Variants in HES2 observed in about 807,000 individuals in gnomAD.
The protein encoded by HES2 is transcription factor HES-2.
HES2 carries 11 observed loss-of-function variants against 11.9 expected under a neutral mutation model. That is an observed-to-expected ratio of 0.92 (90% CI 0.58 to 1.53). HES2 has a LOEUF of 1.53. HES2 is among the 40% of genes most tolerant of loss of function. HES2 has a pLI of 0.00. For synonymous variants in HES2, 125 were observed against 122.8 expected (o/e 1.02, Z -0.12); for missense variants, 260 against 253.8 (o/e 1.02, Z -0.16).
rs1642877378 is a variant in HES2, at chr1:6,418,807, A to T, written c.*66T>A. On this transcript the variant is annotated 3_prime_UTR_variant, in exon 4 of 4. Transcript: ENST00000377834. ...GATGGGAACAGCAGCCGCCACCAAG[A>T]GCTTCAACCTGTCCAGTGCCCCAAG... The T allele has an allele frequency of 4.7e-6, 6 of 1,263,988 alleles. No homozygotes were observed. The highest frequency in any genetic ancestry group is 5.9e-6 in the Non-Finnish European group (6 of 1,008,420). 78.3% of individuals were successfully genotyped at this position (1,263,988 alleles called of 1,614,324 possible).
At position 6,418,784 on chromosome 1, in the gene HES2, T is replaced by G. The variant is rs1571372412; in HGVS notation, c.*89A>C. ...TGGGTACTGGGCTGGCCCCTAATGA[T>G]GGGAACAGCAGCCGCCACCAAGAGC... is the stretch of plus-strand genomic sequence containing the variant. On this transcript the variant is annotated 3_prime_UTR_variant, in exon 4 of 4. Transcript: ENST00000377834. 1 of 1,216,266 alleles carries G rather than the reference T, an allele frequency of 8.2e-7. No individual in the cohort carries two copies. Among genetic ancestry groups the G allele is most frequent in the Non-Finnish European group, 1.0e-6 (1 of 968,512 alleles). The allele number at this position is 1,216,266 out of a possible 1,614,324, so 75.3% of individuals were successfully genotyped here.
chr1:6,419,100 G>A lies in HES2; in HGVS notation c.295C>T (p.Arg99Cys), dbSNP rs1330707229. The A allele has an allele frequency of 1.4e-5, 21 of 1,503,066 alleles. No homozygotes were observed. Among genetic ancestry groups the A allele is most frequent in the Non-Finnish European group, 1.8e-5 (20 of 1,134,340 alleles). 93.1% of individuals were successfully genotyped at this position (1,503,066 alleles called of 1,614,324 possible). A position where few individuals can be genotyped will look rare whatever the true frequency, so the allele number is the denominator to read the frequency against. Reference protein sequence around the residue: ...GYSACVARLARVLPACRVLEP... With the variant: ...GYSACVARLACVLPACRVLEP... Reference sequence around the variant, plus strand: ...AGGACACGGCAGGCGGGCAGCACGCGGGCCAGGCGCGCCACACAGGCGCTG... The same window carrying A: ...AGGACACGGCAGGCGGGCAGCACGCAGGCCAGGCGCGCCACACAGGCGCTG... Residue 99 changes from arginine (R) to cysteine (C), a missense_variant, in exon 4 of 4, where the codon CGC becomes TGC. Arg to Cys is a radical substitution (Grantham distance 180). Coordinates refer to ENST00000377834, the MANE Select transcript of HES2 (RefSeq NM_019089.5). The surrounding 1 kb of genome is among the most constrained non-coding windows in gnomAD (Gnocchi z 8.1).
rs1642893773 is a variant in HES2, at chr1:6,419,914, A to T, written c.-94T>A. ...CGGGCGCGGCCCGGGCTGGTGCCAG[A>T]CGAGTGCGCGCCCCGCCCGCGGCCG... On this transcript the variant is annotated 5_prime_UTR_variant, in exon 1 of 4. Coordinates refer to ENST00000377834, the MANE Select transcript of HES2 (RefSeq NM_019089.5). The surrounding 1 kb of genome is among the most constrained non-coding windows in gnomAD (Gnocchi z 8.1). 1 of 1,384,168 alleles carries T rather than the reference A, an allele frequency of 7.2e-7. No homozygotes were observed. 85.7% of individuals were successfully genotyped at this position (1,384,168 alleles called of 1,614,324 possible).
At position 6,419,491 on chromosome 1, in the gene HES2, C is replaced by A. The variant is rs951522056; in HGVS notation, c.141+116G>T. ...CTCCGACGCGCCCACCCCACCCAGG[C>A]TCCGCCTCGGGCGCCGCGCGGAACC... On this transcript the variant is annotated intron_variant, in intron 2 of 3. Transcript: ENST00000377834. This position sits in a 1 kb window ranked among gnomAD's most constrained non-coding sequence, Gnocchi z 8.1. The A allele has an allele frequency of 5.6e-5, 67 of 1,191,280 alleles. No homozygotes were observed. The highest frequency in any genetic ancestry group is 7.4e-5 in the Non-Finnish European group (65 of 874,378). The allele number at this position is 1,191,280 out of a possible 1,614,324, so 73.8% of individuals were successfully genotyped here. A position where few individuals can be genotyped will look rare whatever the true frequency, so the allele number is the denominator to read the frequency against.
Position 6,416,877 on chromosome 1 carries a change from GAA to G in HES2, c.*1994_*1995del, listed in dbSNP as rs1270039237. On this transcript the variant is annotated 3_prime_UTR_variant, in exon 4 of 4. Transcript: ENST00000377834. ...CAGGCGCTCATTCTCAGCAATGGGT[GAA>G]AGTAAGAGGAACCTGCCCTCCCTCC... The G allele has an allele frequency of 3.3e-5, 5 of 152,412 alleles. No individual in the cohort carries two copies. Among genetic ancestry groups the G allele is most frequent in the East Asian group, 1.9e-4 (1 of 5,174 alleles). The allele number at this position is 152,412 out of a possible 1,614,324, so 9.4% of individuals were successfully genotyped here. A position where few individuals can be genotyped will look rare whatever the true frequency, so the allele number is the denominator to read the frequency against.
rs1642875778 is a variant in HES2, at chr1:6,418,653, T to G, written c.*220A>C. The G allele has an allele frequency of 7.4e-6, 3 of 404,780 alleles. No homozygotes were observed. The highest frequency in any genetic ancestry group is 1.3e-5 in the Non-Finnish European group (3 of 234,072). The allele number at this position is 404,780 out of a possible 1,614,324, so 25.1% of individuals were successfully genotyped here. A position where few individuals can be genotyped will look rare whatever the true frequency, so the allele number is the denominator to read the frequency against. On this transcript the variant is annotated 3_prime_UTR_variant, in exon 4 of 4. Coordinates refer to ENST00000377834, the MANE Select transcript of HES2 (RefSeq NM_019089.5). ...TCTTGTCCTTTCTTCTCCAGCCAAG[T>G]TGGGGGTGAAGCAGGGACGCTCCTT...
rs1386127774 is a variant in HES2, at chr1:6,416,934, T to C, written c.*1939A>G. The C allele has an allele frequency of 6.6e-6, 1 of 152,314 alleles. No homozygotes were observed. The highest frequency in any genetic ancestry group is 6.5e-5 in the Admixed American group (1 of 15,276). The allele number at this position is 152,314 out of a possible 1,614,324, so 9.4% of individuals were successfully genotyped here. A position where few individuals can be genotyped will look rare whatever the true frequency, so the allele number is the denominator to read the frequency against. ...CACACCTCCCCAGTATTTGTCCTCA[T>C]GGAGTAAATATCCAACAGTGATCCC... On this transcript the variant is annotated 3_prime_UTR_variant, in exon 4 of 4. Coordinates refer to ENST00000377834, the MANE Select transcript of HES2 (RefSeq NM_019089.5).
In HES2 at chr1:6,415,474, GC is replaced by G. The variant is rs1464797104; in HGVS notation, c.*3398del. 6.6e-6 allele frequency: 1 copy of G among 151,810 alleles called. No homozygotes were observed. Among genetic ancestry groups the G allele is most frequent in the African/African-American group, 2.4e-5 (1 of 41,314 alleles). The allele number at this position is 151,810 out of a possible 1,614,324, so 9.4% of individuals were successfully genotyped here. On this transcript the variant is annotated 3_prime_UTR_variant, in exon 4 of 4. Transcript: ENST00000377834. ...ACGTTCCCTGCAGGCTGTTTATGCAGCGCCCATCCGAGATGAACCCACAGGA... is the reference window on the plus strand; with the variant it reads ...ACGTTCCCTGCAGGCTGTTTATGCAGGCCCATCCGAGATGAACCCACAGGA...
In HES2 at chr1:6,419,051, A is replaced by G. The variant is rs748142019; in HGVS notation, c.344T>C (p.Leu115Pro). The change falls in exon 4 of 4, where the codon CTG becomes CCG. Residue 115 changes from leucine (L) to proline (P), a missense_variant. Leu to Pro is a moderately conservative substitution (Grantham distance 98). Coordinates refer to ENST00000377834, the MANE Select transcript of HES2 (RefSeq NM_019089.5). This position sits in a 1 kb window ranked among gnomAD's most constrained non-coding sequence, Gnocchi z 8.1. ...RVLEPAVSARLLEHLWRRAAS... is the reference protein window; with the variant it reads ...RVLEPAVSARPLEHLWRRAAS... ...CGCTCTCCGCCACAGGTGCTCCAGC[A>G]GGCGCGCGCTCACGGCGGGCTCCAG... 3 of 1,469,308 alleles carry G rather than the reference A, an allele frequency of 2.0e-6. No individual in the cohort carries two copies. Among genetic ancestry groups the G allele is most frequent in the Non-Finnish European group, 2.7e-6 (3 of 1,120,058 alleles). The allele number at this position is 1,469,308 out of a possible 1,614,324, so 91.0% of individuals were successfully genotyped here.
At position 6,419,181 on chromosome 1, in the gene HES2, G is replaced by A. The variant is rs537721392; in HGVS notation, c.242-28C>T. On this transcript the variant is annotated intron_variant, in intron 3 of 3. Coordinates refer to ENST00000377834, the MANE Select transcript of HES2 (RefSeq NM_019089.5). The surrounding 1 kb of genome is among the most constrained non-coding windows in gnomAD (Gnocchi z 8.1). ...GCGGGCGGAGAGCCGCGTGAGGCGC[G>A]GGGTAGGGTGCCGGGTGCGGGGTGC... is the stretch of plus-strand genomic sequence containing the variant. 10 of 1,573,042 alleles carry A rather than the reference G, an allele frequency of 6.4e-6. No homozygotes were observed. The African/African-American group carries it at 1.4e-4, about 22-fold the overall frequency.
chr1:6,419,620 A>C lies in HES2; in HGVS notation c.128T>G (p.Leu43Arg). The C allele has an allele frequency of 6.5e-7, 1 of 1,538,702 alleles. No individual in the cohort carries two copies. Among genetic ancestry groups the C allele is most frequent in the South Asian group, 1.2e-5 (1 of 83,450 alleles). ...LSQLKGLILP[L>R]LGRENSNCSK... Reference sequence around the variant, plus strand: ...GGGCGCGCTCACCTCCCGGCCCAGCAGCGGCAGGATGAGCCCCTTAAGCTG... The same window carrying C: ...GGGCGCGCTCACCTCCCGGCCCAGCCGCGGCAGGATGAGCCCCTTAAGCTG... Residue 43 changes from leucine (L) to arginine (R), a missense_variant, in exon 2 of 4, where the codon CTG becomes CGG. Transcript: ENST00000377834. This position sits in a 1 kb window ranked among gnomAD's most constrained non-coding sequence, Gnocchi z 8.1.
rs774005281 is a variant in HES2 at position 6,419,710 on chromosome 1, C to T, written c.46-8G>A. The T allele has an allele frequency of 4.5e-6, 7 of 1,551,236 alleles. No individual in the cohort carries two copies. Among genetic ancestry groups the T allele is most frequent in the Non-Finnish European group, 6.1e-6 (7 of 1,151,176 alleles). ...CAGCAGCGGCTTCAGGCTCTGCGGA[C>T]GGGCGGCGCGGTGGTTAGACGGGTC... On this transcript the variant is annotated splice_polypyrimidine_tract_variant and splice_region_variant and intron_variant, in intron 1 of 3. Coordinates refer to ENST00000377834, the MANE Select transcript of HES2 (RefSeq NM_019089.5). The surrounding 1 kb of genome is among the most constrained non-coding windows in gnomAD (Gnocchi z 8.1).
rs962203107 is a variant in HES2, at chr1:6,419,012, A to C, written c.383T>G (p.Leu128Arg). ...GGAATCCCCAGCGCGCCCGCCGTCC[A>C]GGGTGGCGCTGGCCGCTCTCCGCCA... ...HLWRRAASAT[L>R]DGGRAGDSSG... is the part of the protein sequence containing the mutation. The change falls in exon 4 of 4, where the codon CTG becomes CGG. Residue 128 changes from leucine to arginine, a missense_variant. Coordinates refer to ENST00000377834, the MANE Select transcript of HES2 (RefSeq NM_019089.5). The surrounding 1 kb of genome is among the most constrained non-coding windows in gnomAD (Gnocchi z 8.1). The C allele has an allele frequency of 5.7e-6, 8 of 1,397,934 alleles. No homozygotes were observed. Among genetic ancestry groups the C allele is most frequent in the African/African-American group, 1.5e-5 (1 of 65,954 alleles). 86.6% of individuals were successfully genotyped at this position (1,397,934 alleles called of 1,614,324 possible).
chr1:6,418,793 C>G lies in HES2; in HGVS notation c.*80G>C, dbSNP rs1309134496. The G allele has an allele frequency of 8.0e-7, 1 of 1,248,696 alleles. No individual in the cohort carries two copies. The highest frequency in any genetic ancestry group is 1.6e-5 in the African/African-American group (1 of 64,262). 77.4% of individuals were successfully genotyped at this position (1,248,696 alleles called of 1,614,324 possible). Reference sequence around the variant, plus strand: ...GGCTGGCCCCTAATGATGGGAACAGCAGCCGCCACCAAGAGCTTCAACCTG... The same window carrying G: ...GGCTGGCCCCTAATGATGGGAACAGGAGCCGCCACCAAGAGCTTCAACCTG... On this transcript the variant is annotated 3_prime_UTR_variant, in exon 4 of 4. Coordinates refer to ENST00000377834, the MANE Select transcript of HES2 (RefSeq NM_019089.5).
In HES2 at chr1:6,418,018, C is replaced by A; in HGVS notation, c.*855G>T. ...CTCCATCCCTCAAATTCCTGCTGCT[C>A]CATGGCAGGGGCCCTGCTCACCCCA... is the stretch of plus-strand genomic sequence containing the variant. On this transcript the variant is annotated 3_prime_UTR_variant, in exon 4 of 4. Coordinates refer to ENST00000377834, the MANE Select transcript of HES2 (RefSeq NM_019089.5). 1 of 152,446 alleles carries A rather than the reference C, an allele frequency of 6.6e-6. No individual in the cohort carries two copies. The allele number at this position is 152,446 out of a possible 1,614,324, so 9.4% of individuals were successfully genotyped here.
At position 6,418,574 on chromosome 1, in the gene HES2, TC is replaced by T. The variant is rs1642874839; in HGVS notation, c.*298del. The stretch of plus-strand genomic sequence containing the variant: ...TGCCCACGCAGCTGCGGGGTCCAGT[TC>T]CAGAACTATCTCCACCAGCTGGGAT... On this transcript the variant is annotated 3_prime_UTR_variant, in exon 4 of 4. Transcript: ENST00000377834. The T allele has an allele frequency of 3.0e-6, 1 of 334,504 alleles. No individual in the cohort carries two copies. The highest frequency in any genetic ancestry group is 2.1e-5 in the African/African-American group (1 of 46,964). 20.7% of individuals were successfully genotyped at this position (334,504 alleles called of 1,614,324 possible). A position where few individuals can be genotyped will look rare whatever the true frequency, so the allele number is the denominator to read the frequency against.
In HES2 at chr1:6,419,475, G is replaced by T; in HGVS notation, c.141+132C>A. ...GCCTGCTGGGGGTCCGCTCCGACGC[G>T]CCCACCCCACCCAGGCTCCGCCTCG... On this transcript the variant is annotated intron_variant, in intron 2 of 3. Coordinates refer to ENST00000377834, the MANE Select transcript of HES2 (RefSeq NM_019089.5). This position sits in a 1 kb window ranked among gnomAD's most constrained non-coding sequence, Gnocchi z 8.1. The T allele has an allele frequency of 8.7e-7, 1 of 1,154,100 alleles. No homozygotes were observed. Among genetic ancestry groups the T allele is most frequent in the Non-Finnish European group, 1.2e-6 (1 of 834,304 alleles). The allele number at this position is 1,154,100 out of a possible 1,614,324, so 71.5% of individuals were successfully genotyped here.
In HES2 at chr1:6,415,275, T is replaced by C. The variant is rs1389833711; in HGVS notation, c.*3598A>G. On this transcript the variant is annotated 3_prime_UTR_variant, in exon 4 of 4. Coordinates refer to ENST00000377834, the MANE Select transcript of HES2 (RefSeq NM_019089.5). ...TATTGCACGTCAAGATATTGCCTTT[T>C]TTTTTTTTTAAACAAATTGAAGGTT... 1 of 143,048 alleles carries C rather than the reference T, an allele frequency of 7.0e-6. No individual in the cohort carries two copies. The highest frequency in any genetic ancestry group is 1.5e-5 in the Non-Finnish European group (1 of 67,330). 8.9% of individuals were successfully genotyped at this position (143,048 alleles called of 1,614,324 possible). A position where few individuals can be genotyped will look rare whatever the true frequency, so the allele number is the denominator to read the frequency against.
At position 6,418,864 on chromosome 1, in the gene HES2, G is replaced by A; in HGVS notation, c.*9C>T. 7.7e-7 allele frequency: 1 copy of A among 1,305,684 alleles called. No homozygotes were observed. Among genetic ancestry groups the A allele is most frequent in the Non-Finnish European group, 9.7e-7 (1 of 1,033,916 alleles). The allele number at this position is 1,305,684 out of a possible 1,614,324, so 80.9% of individuals were successfully genotyped here. A position where few individuals can be genotyped will look rare whatever the true frequency, so the allele number is the denominator to read the frequency against. ...AGCAGTCGGCAGGGTCTGTGGATCG[G>A]CCGAGGGGCTACCACGGCCGCCAGA... On this transcript the variant is annotated 3_prime_UTR_variant, in exon 4 of 4. Transcript: ENST00000377834.
Sources: allele counts gnomAD v4.1 joint callset, GRCh38; gene constraint gnomAD v4.1.1; non-coding constraint Gnocchi (gnomAD v3.1); transcripts MANE v1.5; gene names NCBI Gene and HGNC (gene_info 2026-07-23, HGNC 2026-07-21).